Variants in DNAJC3 observed in about 807,000 individuals in gnomAD.
DNAJC3 encodes DnaJ heat shock protein family (Hsp40) member C3.
DNAJC3 carries 38 observed loss-of-function variants against 68.6 expected under a neutral mutation model. The ratio of observed to expected loss-of-function variants is 0.55; its 90% confidence interval spans 0.43 to 0.73. The LOEUF (loss-of-function observed/expected upper bound fraction) is 0.73, where lower values mean the gene tolerates loss of function less well. Among genes scored for constraint, DNAJC3 ranks in the 30% least tolerant of loss-of-function variants. The pLI is 0.00. For missense variants in DNAJC3, 526 were observed against 591.9 expected (o/e 0.89, Z 1.16); for synonymous variants, 203 against 204.0 (o/e 1.00, Z 0.04).
At chr13:95,722,613 T>TAAAAAA in intron 2 of DNAJC3, among the ~76,000 whole-genome samples, 1 of 139,072 alleles carries the variant, frequency 7.2e-6, no homozygotes. Context: ...TACAAAAAAT[T>TAAAAAA]AAAAAAAAAA....
intron 4 of DNAJC3, among the ~76,000 whole-genome samples, chr13:95,754,251 T>C (rs1882582186): frequency 6.6e-6 from 1 of 152,152 alleles, no homozygotes; most frequent in African/African-American, 2.4e-5. Flanking sequence ...TTAGTTCCTC[T>C]TGAGGTGTTT....
chr13:95,690,212 A>T (rs1880191923), intron 1 of DNAJC3, among the ~76,000 whole-genome samples: 2 of 151,964 alleles, frequency 1.3e-5, no homozygotes, highest in Non-Finnish European at 2.9e-5. Flanking sequence ...GCCTTCAAGC[A>T]TCTGTTTAAC....
chr13:95,747,299 A>C (rs1882333463), intron 4 of DNAJC3, among the ~76,000 whole-genome samples: 1 of 152,242 alleles, frequency 6.6e-6, no homozygotes, highest in African/African-American at 2.4e-5. Flanking sequence ...CTCTGGGAAC[A>C]TATGGAAGGG....
chr13:95,725,895 A>T, intron 4 of DNAJC3, among the ~76,000 whole-genome samples: 1 of 139,018 alleles, frequency 7.2e-6, no homozygotes, highest in Middle Eastern at 4.1e-3. Context: ...TCATTGTTCA[A>T]TTCCCACCTA....
intron 1 of DNAJC3, among the ~76,000 whole-genome samples, chr13:95,685,171 G>A (rs531389190): frequency 3.0e-4 from 46 of 152,374 alleles, no homozygotes; most frequent in African/African-American, 9.1e-4. Flanking sequence ...GACAGCAGCC[G>A]CGTGGGCTGA....
At chr13:95,720,861 AT>A (rs544509323) in intron 2 of DNAJC3, among the ~76,000 whole-genome samples, 1,777 of 149,694 alleles carry the variant, frequency 0.012, 42 homozygotes, top group African/African-American at 0.041. Context: ...TAAAAAATAC[AT>A]TTTTTTTTTC....
intron 4 of DNAJC3, 62 bp from the exon 5 acceptor site, chr13:95,757,582 A>G (rs1882699718): frequency 2.1e-6 from 3 of 1,439,436 alleles, no homozygotes; most frequent in South Asian, 3.0e-5. Flanking sequence ...ACCCTTGTGT[A>G]TATTACAGGT....
chr13:95,728,660 G>T (rs1459520783), intron 4 of DNAJC3, among the ~76,000 whole-genome samples: 1 of 152,138 alleles, frequency 6.6e-6, no homozygotes, highest in Non-Finnish European at 1.5e-5. Flanking sequence ...AGAACAAAAT[G>T]TCTAATTTTT....
At chr13:95,732,487 GA>G (rs1435672335) in intron 4 of DNAJC3, among the ~76,000 whole-genome samples, 1 of 151,990 alleles carries the variant, frequency 6.6e-6, no homozygotes, top group Admixed American at 6.6e-5. Flanking sequence ...GTCTTTGGGG[GA>G]TTTTTTTATA....
intron 11 of DNAJC3, among the ~76,000 whole-genome samples, chr13:95,790,222 G>T (rs920969521): frequency 6.6e-6 from 1 of 152,166 alleles, no homozygotes; most frequent in Non-Finnish European, 1.5e-5. Flanking sequence ...TTGTCTTCCA[G>T]GGTTTTTCTA....
chr13:95,683,139 C>T (rs950007615), intron 1 of DNAJC3, among the ~76,000 whole-genome samples: 2 of 152,104 alleles, frequency 1.3e-5, no homozygotes, highest in Admixed American at 6.5e-5. Flanking sequence ...AGCTTTTTTT[C>T]CCTCTCTCAA....
At chr13:95,751,227 C>T (rs1882470666) in intron 4 of DNAJC3, among the ~76,000 whole-genome samples, 1 of 152,134 alleles carries the variant, frequency 6.6e-6, no homozygotes, top group Non-Finnish European at 1.5e-5. Context: ...CAGAGGGAGA[C>T]CCTGTCTAAT....
intron 9 of DNAJC3, among the ~76,000 whole-genome samples, chr13:95,781,736 GAT>G (rs1475983548): frequency 6.6e-6 from 1 of 151,864 alleles, no homozygotes; most frequent in Non-Finnish European, 1.5e-5. Flanking sequence ...ATCTAGGGCT[GAT>G]ATATGTCTGG....
intron 2 of DNAJC3, among the ~76,000 whole-genome samples, chr13:95,721,981 A>G (rs777560245): frequency 2.0e-5 from 3 of 152,236 alleles, no homozygotes; most frequent in Non-Finnish European, 4.4e-5. Flanking sequence ...TTAATTGTAT[A>G]TCTTATGATG....
At chr13:95,707,890 C>CACA (rs1385647430) in intron 1 of DNAJC3, among the ~76,000 whole-genome samples, 2 of 152,030 alleles carry the variant, frequency 1.3e-5, no homozygotes, top group African/African-American at 4.8e-5. Flanking sequence ...TGTGGCTGGT[C>CACA]CATAGTAATT....
intron 2 of DNAJC3, among the ~76,000 whole-genome samples, chr13:95,721,080 C>A (rs1328745562): frequency 6.6e-6 from 1 of 152,164 alleles, no homozygotes; most frequent in Admixed American, 6.5e-5. Context: ...TTACACCAGC[C>A]CCTGGCAACC....
At chr13:95,719,850 G>A (rs1447773716) in intron 2 of DNAJC3, among the ~76,000 whole-genome samples, 1 of 152,150 alleles carries the variant, frequency 6.6e-6, no homozygotes, top group Admixed American at 6.5e-5. Flanking sequence ...GTCCTCTGTG[G>A]AGATTTTTTC....
chr13:95,783,223 G>A (rs2139695126), intron 9 of DNAJC3, among the ~76,000 whole-genome samples: 1 of 152,092 alleles, frequency 6.6e-6, no homozygotes, highest in African/African-American at 2.4e-5. Flanking sequence ...CCATACTTAG[G>A]TTTCTAATTA....
chr13:95,759,889 A>C, intron 5 of DNAJC3, 151 bp from the exon 6 acceptor site: 1 of 741,034 alleles, frequency 1.3e-6, no homozygotes, highest in South Asian at 4.6e-5. Context: ...AAATTGTATC[A>C]GATTTTAAAA....
Sources: gnomAD v4.1 joint callset for allele counts (sites outside exome capture counted in the v4.1 genomes callset) on GRCh38, gnomAD v4.1.1 for gene constraint, MANE v1.5 for transcripts, NCBI Gene and HGNC (gene_info 2026-07-23, HGNC 2026-07-21) for gene names.